FAM3B: variants seen among roughly 807,000 people sequenced by gnomAD.
The protein encoded by FAM3B is FAM3 metabolism regulating signaling molecule B, also known as protein FAM3B.
In FAM3B, 29 loss-of-function variants were observed where a neutral mutation model predicts 28.4. The ratio of observed to expected loss-of-function variants is 1.02; its 90% CI spans 0.76 to 1.39. The LOEUF is 1.39. FAM3B is among the 40% of genes most tolerant of loss of function. The pLI is 0.00. For synonymous variants in FAM3B, 91 were observed against 103.0 expected, an observed-to-expected ratio of 0.88 and a Z score of 0.71; for missense variants, 266 against 293.9, an observed-to-expected ratio of 0.91 and a Z score of 0.69.
chr21:41,316,498 G>A (rs2088749542), upstream of FAM3B, among the ~76,000 whole-genome samples: 1 of 152,230 alleles, frequency 6.6e-6, no homozygotes, highest in South Asian at 2.1e-4. Flanking sequence ...CCTCTTGGGA[G>A]ACATTAACTG....
chr21:41,306,983 A>C lies in FAM3B; in HGVS notation n.99+2673A>C, dbSNP rs565448541. ...TGAGCATTGGTGTCACCTTAAAGTC[A>C]GCCCTAACAAAAGAGTTAGCCTGTC... On this transcript the variant is annotated intron_variant and non_coding_transcript_variant, in intron 1 of 9. Coordinates refer to the FAM3B transcript ENST00000479810. Among the ~76,000 whole-genome samples, 24 of 152,356 alleles carry C rather than the reference A, an allele frequency of 1.6e-4. 1 individual carries two copies. The South Asian group carries it at 4.3e-3, about 28-fold the overall frequency.
At chr21:41,312,722 A>AGAGTGTGTGTGT (rs1555866778), upstream of FAM3B, among the ~76,000 whole-genome samples, 2 of 148,324 alleles carry the variant, frequency 1.3e-5, no homozygotes, top group South Asian at 2.2e-4. Flanking sequence ...TGTGTGTGAG[A>AGAGTGTGTGTGT]GTGTGTGTGT....
chr21:41,332,839 A>G (rs553604827), intron 2 of FAM3B, among the ~76,000 whole-genome samples: 1 of 151,574 alleles, frequency 6.6e-6, no homozygotes, highest in African/African-American at 2.4e-5. Context: ...TTTTTTTCTC[A>G]GTCTAGCTAA....
chr21:41,304,775 T>C (rs2088673678), intron 1 of FAM3B, among the ~76,000 whole-genome samples: 1 of 152,066 alleles, frequency 6.6e-6, no homozygotes, highest in Non-Finnish European at 1.5e-5. Context: ...CTGAAAACAT[T>C]GGGAGCCATG....
intron 1 of FAM3B, among the ~76,000 whole-genome samples, chr21:41,322,245 G>A (rs543243696): frequency 9.2e-5 from 14 of 152,142 alleles, no homozygotes; most frequent in African/African-American, 2.4e-4. Flanking sequence ...CTTGGAAATC[G>A]TGCCACTCAT....
intron 7 of FAM3B, among the ~76,000 whole-genome samples, chr21:41,354,804 C>T (rs1194849933): frequency 6.6e-6 from 1 of 150,636 alleles, no homozygotes; most frequent in Non-Finnish European, 1.5e-5. Context: ...ACCTATGGAA[C>T]AAACCTGCAC....
At chr21:41,348,539 C>G (rs2089084847) in intron 6 of FAM3B, 53 bp from the exon 7 acceptor site, 2 of 1,609,940 alleles carry the variant, frequency 1.2e-6, no homozygotes, top group Admixed American at 3.3e-5. Context: ...CAGAGTTCCT[C>G]TCCTCTCCAC....
intron 1 of FAM3B, among the ~76,000 whole-genome samples, chr21:41,310,101 C>A (rs762331455): frequency 6.6e-6 from 1 of 152,158 alleles, no homozygotes; most frequent in African/African-American, 2.4e-5. Context: ...GAGTTTCTAC[C>A]CAAAGGCAGC....
At chr21:41,311,929 G>T (rs955856510), upstream of FAM3B, among the ~76,000 whole-genome samples, 3 of 152,220 alleles carry the variant, frequency 2.0e-5, no homozygotes, top group African/African-American at 7.2e-5. Flanking sequence ...AAGGCAAGGA[G>T]GAGCAAGTCA....
At chr21:41,330,731 G>C (rs1207407127) in intron 2 of FAM3B, among the ~76,000 whole-genome samples, 1 of 152,184 alleles carries the variant, frequency 6.6e-6, no homozygotes, top group Non-Finnish European at 1.5e-5. Context: ...TTAGCATACT[G>C]TCCTCCATGT....
At chr21:41,322,357 G>T (rs2838009) in intron 1 of FAM3B, among the ~76,000 whole-genome samples, 53,496 of 152,076 alleles carry the variant, frequency 0.35, 13,156 homozygotes, top group African/African-American at 0.7. Flanking sequence ...GGCACATCCG[G>T]GATGATAGAA....
chr21:41,323,816 G>T (rs1052094100), intron 2 of FAM3B, among the ~76,000 whole-genome samples: 1 of 152,220 alleles, frequency 6.6e-6, no homozygotes. Context: ...AGTGGGCCAT[G>T]CTGGGTTCTG....
chr21:41,345,560 C>T, intron 4 of FAM3B, 126 bp from the exon 5 acceptor site: 1 of 587,352 alleles, frequency 1.7e-6, no homozygotes, highest in Non-Finnish European at 3.0e-6. Flanking sequence ...CAGGCTGGGT[C>T]ATTACATCAG....
chr21:41,306,949 A>G (rs1190109401), intron 1 of FAM3B, among the ~76,000 whole-genome samples: 1 of 152,180 alleles, frequency 6.6e-6, no homozygotes, highest in African/African-American at 2.4e-5. Flanking sequence ...GGCATTTTGG[A>G]AAAGTAAATG....
intron 6 of FAM3B, among the ~76,000 whole-genome samples, chr21:41,347,384 C>T (rs936413086): frequency 1.3e-5 from 2 of 152,092 alleles, no homozygotes; most frequent in Non-Finnish European, 2.9e-5. Context: ...AACTAACCTC[C>T]GGACAGAAAG....
chr21:41,314,907 C>T (rs149657577), upstream of FAM3B, among the ~76,000 whole-genome samples: 100 of 152,208 alleles, frequency 6.6e-4, no homozygotes, highest in African/African-American at 1.8e-3. Context: ...ATAGAATTAT[C>T]GTATGATCCA....
At chr21:41,343,628 T>A (rs541941872) in intron 3 of FAM3B, among the ~76,000 whole-genome samples, 1 of 152,280 alleles carries the variant, frequency 6.6e-6, no homozygotes, top group Admixed American at 6.5e-5. Flanking sequence ...CCTTCCAAAT[T>A]ATTTTCATAA....
At position 41,357,550 on chromosome 21, in the gene FAM3B, A is replaced by G. The variant is rs2838024; in HGVS notation, c.*353A>G. The G allele has an allele frequency of 0.023, 3,676 of 162,166 alleles. 145 individuals are homozygous for G. The highest frequency in any genetic ancestry group is 0.083 in the African/African-American group (3,479 of 41,806). The allele number at this position is 162,166 out of a possible 1,614,324, so 10.0% of individuals were successfully genotyped here. A position where few individuals can be genotyped will look rare whatever the true frequency, so the allele number is the denominator to read the frequency against. On this transcript the variant is annotated 3_prime_UTR_variant, in exon 8 of 8. Coordinates refer to ENST00000357985, the MANE Select transcript of FAM3B (RefSeq NM_058186.4). ...GTGGTCCAGACAGCCCTGCAGAGAG[A>G]AAACCTTTATTCCATTATCACCAAG... is the stretch of plus-strand genomic sequence containing the variant.
intron 4 of FAM3B, 35 bp downstream of exon 4, chr21:41,344,569 A>G: frequency 1.3e-6 from 2 of 1,582,526 alleles, no homozygotes; most frequent in South Asian, 1.1e-5. Flanking sequence ...AACTTCTCTA[A>G]AAGCTCTCTG....
Sources: allele counts gnomAD v4.1 joint callset (sites outside exome capture counted in the v4.1 genomes callset), GRCh38; gene constraint gnomAD v4.1.1; transcripts MANE v1.5; gene names NCBI Gene and HGNC (gene_info 2026-07-23, HGNC 2026-07-21).